The following AOPEP variants were observed in gnomAD, a reference collection of about 807,000 sequenced individuals.
AOPEP encodes the protein aminopeptidase O (putative).
A neutral mutation model predicts 98.1 loss-of-function variants in AOPEP; 77 were observed. The ratio of observed to expected loss-of-function variants is 0.78; its 90% confidence interval spans 0.65 to 0.95. The LOEUF is 0.95. Ranked by LOEUF, AOPEP falls within the 40% of genes least tolerant of loss-of-function variation. AOPEP has a pLI of 0.00. For synonymous variants in AOPEP, 346 were observed against 365.3 expected (o/e 0.95, Z 0.60); for missense variants, 1,024 against 1,024.7 (o/e 1.00, Z 0.01).
intron 5 of AOPEP, among the ~76,000 whole-genome samples, chr9:94,909,027 A>C (rs1211298181): frequency 1.3e-5 from 2 of 152,154 alleles, no homozygotes; most frequent in Admixed American, 6.5e-5. Context: ...CAAAATAAGC[A>C]ATGTTCCCCA....
chr9:94,842,895 G>A (rs1334462821), intron 5 of AOPEP, among the ~76,000 whole-genome samples: 2 of 152,036 alleles, frequency 1.3e-5, no homozygotes, highest in African/African-American at 2.4e-5. Context: ...CTTATAAGTA[G>A]TAGAAGGATT....
intron 5 of AOPEP, among the ~76,000 whole-genome samples, chr9:94,863,534 G>T (rs995293578): frequency 1.3e-5 from 2 of 152,142 alleles, no homozygotes; most frequent in African/African-American, 4.8e-5. Flanking sequence ...CGCCTGCATG[G>T]CCTCCCAAAG....
chr9:94,841,675 A>G (rs1461421509), intron 5 of AOPEP, among the ~76,000 whole-genome samples: 1 of 152,142 alleles, frequency 6.6e-6, no homozygotes, highest in African/African-American at 2.4e-5. Flanking sequence ...TTTGTGATTT[A>G]AATTATTTTC....
At chr9:95,065,089 C>T (rs769497678) in intron 14 of AOPEP, among the ~76,000 whole-genome samples, 2 of 152,170 alleles carry the variant, frequency 1.3e-5, no homozygotes, top group Non-Finnish European at 2.9e-5. Flanking sequence ...ATTCTGGCTA[C>T]AAATAAGTAA....
At chr9:94,876,078 G>A (rs2046905697) in intron 5 of AOPEP, among the ~76,000 whole-genome samples, 1 of 152,182 alleles carries the variant, frequency 6.6e-6, no homozygotes, top group Non-Finnish European at 1.5e-5. Context: ...CACAATTGAG[G>A]CAATATAGGC....
chr9:94,803,109 A>C (rs570586664), intron 5 of AOPEP, among the ~76,000 whole-genome samples: 34 of 152,336 alleles, frequency 2.2e-4, no homozygotes, highest in Admixed American at 7.8e-4. Flanking sequence ...TACCCTAAAC[A>C]GGAATAGAGA....
At chr9:95,100,783 A>C in the AOPEP span, 1 of 225,606 alleles carries the variant, frequency 4.4e-6, no homozygotes, top group African/African-American at 2.2e-5. Context: ...GATGCATGCC[A>C]TTGCACCCCG....
intron 7 of AOPEP, among the ~76,000 whole-genome samples, chr9:94,946,317 T>C (rs1314697895): frequency 6.6e-6 from 1 of 152,220 alleles, no homozygotes; most frequent in African/African-American, 2.4e-5. Context: ...GTACAGTCTC[T>C]TAAAATTGTA....
chr9:94,757,739 C>G (rs1588073628), intron 1 of AOPEP, among the ~76,000 whole-genome samples: 3 of 151,982 alleles, frequency 2.0e-5, no homozygotes, highest in Admixed American at 2.0e-4. Context: ...GGTTTTCCTT[C>G]TGTGTGTGTG....
chr9:94,967,678 A>G, intron 9 of AOPEP, 80 bp from the exon 10 acceptor site: 1 of 1,165,182 alleles, frequency 8.6e-7, no homozygotes, highest in Non-Finnish European at 1.3e-6. Context: ...AGTAGCTGGG[A>G]GCACTCAGCC....
chr9:94,867,446 G>A (rs1440755257), intron 5 of AOPEP, among the ~76,000 whole-genome samples: 3 of 152,146 alleles, frequency 2.0e-5, no homozygotes, highest in Admixed American at 6.5e-5. Flanking sequence ...AGCAGTCCAC[G>A]TATAAGTCTG....
chr9:94,762,470 A>G (rs1053341402), intron 2 of AOPEP, among the ~76,000 whole-genome samples: 1 of 152,072 alleles, frequency 6.6e-6, no homozygotes, highest in African/African-American at 2.4e-5. Context: ...AAAAAAAGAA[A>G]TTAAAGAGGT....
chr9:94,860,082 A>G (rs2044738621), intron 5 of AOPEP, among the ~76,000 whole-genome samples: 2 of 152,024 alleles, frequency 1.3e-5, no homozygotes, highest in South Asian at 4.1e-4. Flanking sequence ...TAGAGGAAAC[A>G]CTCCTGGCAG....
chr9:94,778,701 CT>C (rs1842689663), intron 3 of AOPEP, among the ~76,000 whole-genome samples: 1 of 152,062 alleles, frequency 6.6e-6, no homozygotes, highest in Admixed American at 6.6e-5. Context: ...GTGTGTTTAT[CT>C]GTGAAATCTC....
the AOPEP span, among the ~76,000 whole-genome samples, chr9:95,106,699 C>G: frequency 6.6e-6 from 1 of 152,260 alleles, no homozygotes; most frequent in South Asian, 2.1e-4. Context: ...GGTTGCTTTG[C>G]GAGCCCATTC....
At chr9:94,743,211 G>GGAAGAAGAGGAA (rs546486407) in intron 1 of AOPEP, among the ~76,000 whole-genome samples, 1,757 of 146,190 alleles carry the variant, frequency 0.012, 33 homozygotes, top group African/African-American at 0.03. Context: ...AGGAAGAAGA[G>GGAAGAAGAGGAA]GAAGAAGAGG....
At chr9:94,829,825 T>C (rs1399955397) in intron 5 of AOPEP, among the ~76,000 whole-genome samples, 1 of 152,148 alleles carries the variant, frequency 6.6e-6, no homozygotes, top group Non-Finnish European at 1.5e-5. Context: ...TCTTGGCATT[T>C]GGAGCAATTG....
chr9:95,047,593 C>T (rs2065964024), intron 13 of AOPEP, among the ~76,000 whole-genome samples: 1 of 152,142 alleles, frequency 6.6e-6, no homozygotes, highest in Admixed American at 6.5e-5. Context: ...GGTCCCTATC[C>T]TGTGGTTTGG....
At chr9:95,080,915 T>A (rs2069677825) in intron 15 of AOPEP, 135 bp downstream of exon 15, 1 of 705,484 alleles carries the variant, frequency 1.4e-6, no homozygotes, top group Non-Finnish European at 2.5e-6. Context: ...ACTGGTGGGA[T>A]CTTGCCTAAC....
Sources: gnomAD v4.1 joint callset for allele counts (sites outside exome capture counted in the v4.1 genomes callset) on GRCh38, gnomAD v4.1.1 for gene constraint, MANE v1.5 for transcripts, NCBI Gene and HGNC (gene_info 2026-07-23, HGNC 2026-07-21) for gene names.